The following UTRN variants were observed in gnomAD, a reference collection of about 807,000 sequenced individuals.
The protein encoded by UTRN is utrophin, also known as dystrophin-related protein 1.
A neutral mutation model predicts 463.9 loss-of-function variants in UTRN; 283 were observed. That is an observed-to-expected ratio of 0.61 (90% confidence interval 0.55 to 0.67). The LOEUF (loss-of-function observed/expected upper bound fraction) is 0.67. Among genes scored for constraint, UTRN ranks in the 30% least tolerant of loss-of-function variants. The pLI, the probability that UTRN is intolerant of heterozygous loss-of-function variation, is 0.00. For synonymous variants in UTRN, 1,442 were observed against 1,431.5 expected (o/e 1.01, Z -0.17); for missense variants, 3,922 against 4,084.3 (o/e 0.96, Z 1.08).
At chr6:144,536,075 C>T (rs562731109) in intron 43 of UTRN, among the ~76,000 whole-genome samples, 7 of 152,288 alleles carry the variant, frequency 4.6e-5, no homozygotes, top group African/African-American at 1.7e-4. Context: ...CCACCATGCC[C>T]AGTGGGTTAT....
chr6:144,411,222 T>C (rs964981207), intron 3 of UTRN, among the ~76,000 whole-genome samples: 1 of 152,228 alleles, frequency 6.6e-6, no homozygotes, highest in Non-Finnish European at 1.5e-5. Context: ...CCAACATCTA[T>C]TGGTTTTTGA....
At chr6:144,712,124 A>T (rs968467779) in intron 53 of UTRN, among the ~76,000 whole-genome samples, 1 of 152,192 alleles carries the variant, frequency 6.6e-6, no homozygotes, top group African/African-American at 2.4e-5. Context: ...AAATTAAAAA[A>T]AATTATTTTC....
At chr6:144,344,534 GT>G (rs1309354133) in intron 2 of UTRN, among the ~76,000 whole-genome samples, 2 of 152,180 alleles carry the variant, frequency 1.3e-5, no homozygotes, top group Admixed American at 6.5e-5. Context: ...ATTCACCAGA[GT>G]TATTAGTTTC....
intron 73 of UTRN, among the ~76,000 whole-genome samples, chr6:144,844,765 T>A (rs1781879866): frequency 6.6e-6 from 1 of 152,228 alleles, no homozygotes; most frequent in African/African-American, 2.4e-5. Context: ...GGAGAATTTA[T>A]CTAAACAAAT....
Position 144,557,276 on chromosome 6 carries a change from G to T in UTRN, c.7254G>T (p.Glu2418Asp). The stretch of plus-strand genomic sequence containing the variant: ...CAAGGAATGTGAAAGAAACCACAGA[G>T]TACTTAAAAACATCATGGATCAATC... ...DDTRNVKETT[E>D]YLKTSWINLK... The change falls in exon 50 of 75, where the codon GAG (glutamate) becomes GAT (aspartate). Residue 2418 changes from glutamate to aspartate, a missense_variant. Physicochemically the swap from Glu to Asp is conservative, Grantham distance 45. Around this residue, in one of 3 missense-constraint regions of UTRN, gnomAD observed 1,309 missense variants for 1,452.6 expected, o/e 0.90. Transcript: ENST00000367545. 1.2e-6 allele frequency: 2 copies of T among 1,613,756 alleles called. No homozygotes were observed. Among genetic ancestry groups the T allele is most frequent in the Non-Finnish European group, 1.7e-6 (2 of 1,179,796 alleles).
chr6:144,437,421 G>A (rs1786672186), intron 10 of UTRN, 144 bp from the exon 11 acceptor site: 1 of 666,684 alleles, frequency 1.5e-6, no homozygotes, highest in African/African-American at 1.9e-5. Context: ...AAAAAATGTG[G>A]TCAATGTCTA....
chr6:144,610,295 A>G (rs891217770), intron 51 of UTRN, among the ~76,000 whole-genome samples: 1 of 152,116 alleles, frequency 6.6e-6, no homozygotes, highest in African/African-American at 2.4e-5. Flanking sequence ...CTGAACAATT[A>G]TACAGCAACT....
intron 48 of UTRN, 83 bp downstream of exon 48, chr6:144,551,165 AC>A: frequency 2.5e-6 from 2 of 811,528 alleles, no homozygotes; most frequent in Non-Finnish European, 3.7e-6. Flanking sequence ...ACACACACAC[AC>A]ACAAACACAT....
At chr6:144,621,764 T>C (rs1168581811) in intron 51 of UTRN, among the ~76,000 whole-genome samples, 1 of 152,116 alleles carries the variant, frequency 6.6e-6, no homozygotes, top group African/African-American at 2.4e-5. Flanking sequence ...AGTATAAGAG[T>C]GTAATAACTA....
intron 30 of UTRN, among the ~76,000 whole-genome samples, chr6:144,489,248 G>A (rs1055280440): frequency 7.2e-5 from 11 of 151,820 alleles, no homozygotes; most frequent in African/African-American, 2.7e-4. Flanking sequence ...ACGGGGTTTC[G>A]CCATGTTGGC....
chr6:144,345,256 G>T (rs1352422067), intron 2 of UTRN, among the ~76,000 whole-genome samples: 2 of 152,106 alleles, frequency 1.3e-5, no homozygotes, highest in African/African-American at 4.8e-5. Context: ...TAGTGAATTG[G>T]GTTTCTTGAA....
At chr6:144,660,137 G>A (rs1269572374) in intron 51 of UTRN, 4 of 462,904 alleles carry the variant, frequency 8.6e-6, no homozygotes, top group African/African-American at 8.1e-5. Flanking sequence ...TTAAAGTATA[G>A]CCAGAAAAGA....
chr6:144,517,826 C>A (rs1795759053), intron 39 of UTRN, among the ~76,000 whole-genome samples: 1 of 152,150 alleles, frequency 6.6e-6, no homozygotes, highest in Admixed American at 6.6e-5. Context: ...TGTAAGGGCA[C>A]TCTATGATGT....
At chr6:144,445,918 C>T (rs1200981244) in intron 14 of UTRN, among the ~76,000 whole-genome samples, 1 of 151,904 alleles carries the variant, frequency 6.6e-6, no homozygotes, top group Non-Finnish European at 1.5e-5. Flanking sequence ...CCCAGCCACT[C>T]AGGAGGCTAT....
chr6:144,589,114 T>A (rs1313134844), intron 51 of UTRN, among the ~76,000 whole-genome samples: 1 of 152,228 alleles, frequency 6.6e-6, no homozygotes, highest in Non-Finnish European at 1.5e-5. Flanking sequence ...TATGGCTTCA[T>A]AAAGTTAAGC....
At chr6:144,617,252 A>G (rs777920829) in intron 51 of UTRN, among the ~76,000 whole-genome samples, 1 of 152,166 alleles carries the variant, frequency 6.6e-6, no homozygotes, top group Non-Finnish European at 1.5e-5. Flanking sequence ...GCAAAAAGAG[A>G]AGCATTCTGT....
chr6:144,533,355 C>G (rs1797233171), intron 43 of UTRN, 95 bp downstream of exon 43: 15 of 1,504,150 alleles, frequency 1.0e-5, no homozygotes, highest in Non-Finnish European at 1.2e-5. Flanking sequence ...TATTGTTTGA[C>G]ATTATAATAG....
At chr6:144,513,836 T>C in intron 35 of UTRN, 73 bp from the exon 36 acceptor site, 1 of 1,529,632 alleles carries the variant, frequency 6.5e-7, no homozygotes, top group Non-Finnish European at 8.8e-7. Context: ...TGAAGGTCTT[T>C]TAAATCTCTT....
intron 2 of UTRN, among the ~76,000 whole-genome samples, chr6:144,316,102 C>T (rs1323886547): frequency 6.6e-6 from 1 of 152,188 alleles, no homozygotes; most frequent in Non-Finnish European, 1.5e-5. Context: ...TGTAACCCCA[C>T]ACTCTGGGAG....
Sources: allele counts gnomAD v4.1 joint callset (sites outside exome capture counted in the v4.1 genomes callset), GRCh38; gene constraint gnomAD v4.1.1; regional missense constraint gnomAD v4.1.1; transcripts MANE v1.5; gene names NCBI Gene and HGNC (gene_info 2026-07-23, HGNC 2026-07-21).